HS2ST1: variants seen among roughly 807,000 people sequenced by gnomAD.
HS2ST1 encodes heparan sulfate 2-O-sulfotransferase 1.
A neutral mutation model predicts 42.9 loss-of-function variants in HS2ST1; 18 were observed. The ratio of observed to expected loss-of-function variants is 0.42; its 90% CI spans 0.29 to 0.62. The LOEUF (loss-of-function observed/expected upper bound fraction) is 0.62, where lower values mean the gene tolerates loss of function less well. Among genes scored for constraint, HS2ST1 ranks in the 20% least tolerant of loss-of-function variants. HS2ST1 has a pLI of 0.21. For missense variants in HS2ST1, 334 were observed against 433.8 expected (o/e 0.77, Z 2.04); for synonymous variants, 146 against 152.9 (o/e 0.95, Z 0.33).
At chr1:87,014,242 A>G (rs949615452) in intron 1 of HS2ST1, among the ~76,000 whole-genome samples, 6 of 152,314 alleles carry the variant, frequency 3.9e-5, no homozygotes, top group South Asian at 2.1e-4. Flanking sequence ...ACAGTTCCAC[A>G]TGGCTGGGGA....
intron 1 of HS2ST1, among the ~76,000 whole-genome samples, chr1:87,044,488 A>G (rs1320351884): frequency 2.0e-5 from 3 of 152,224 alleles, no homozygotes; most frequent in Admixed American, 2.0e-4. Context: ...GTTTCAATAC[A>G]TAGCATTTGA....
At chr1:87,067,400 C>G (rs994532263) in intron 1 of HS2ST1, among the ~76,000 whole-genome samples, 1 of 152,130 alleles carries the variant, frequency 6.6e-6, no homozygotes, top group African/African-American at 2.4e-5. Context: ...ATGTCCTTCA[C>G]CCACTTTTTG....
At chr1:87,005,886 A>G (rs1649424962) in intron 1 of HS2ST1, among the ~76,000 whole-genome samples, 1 of 152,192 alleles carries the variant, frequency 6.6e-6, no homozygotes, top group Non-Finnish European at 1.5e-5. Flanking sequence ...GTATTTTGTG[A>G]GAAATGGAAG....
intron 1 of HS2ST1, among the ~76,000 whole-genome samples, chr1:86,948,214 T>C (rs1647393560): frequency 6.6e-6 from 1 of 152,192 alleles, no homozygotes; most frequent in Non-Finnish European, 1.5e-5. Context: ...TTTAGAATGC[T>C]ACAGTATAAG....
chr1:87,004,494 T>C (rs1385369557), intron 1 of HS2ST1, among the ~76,000 whole-genome samples: 2 of 152,156 alleles, frequency 1.3e-5, no homozygotes, highest in African/African-American at 4.8e-5. Flanking sequence ...TTTTGACATA[T>C]ATATTTATAT....
At chr1:86,955,181 A>T (rs1192264813) in intron 1 of HS2ST1, among the ~76,000 whole-genome samples, 1 of 152,164 alleles carries the variant, frequency 6.6e-6, no homozygotes, top group Non-Finnish European at 1.5e-5. Context: ...CTTAGAGGAG[A>T]TTAAACTTTT....
intron 1 of HS2ST1, among the ~76,000 whole-genome samples, chr1:87,066,269 G>C (rs1236454643): frequency 6.6e-6 from 1 of 152,188 alleles, no homozygotes; most frequent in Non-Finnish European, 1.5e-5. Flanking sequence ...GATATGTGCT[G>C]CCTTCATCAG....
intron 1 of HS2ST1, among the ~76,000 whole-genome samples, chr1:86,983,540 A>G (rs1207816607): frequency 6.6e-6 from 1 of 152,188 alleles, no homozygotes; most frequent in Non-Finnish European, 1.5e-5. Context: ...ACATGGGATT[A>G]CAATTTGAGA....
At chr1:86,954,668 GT>G (rs1028712598) in intron 1 of HS2ST1, among the ~76,000 whole-genome samples, 2 of 152,126 alleles carry the variant, frequency 1.3e-5, no homozygotes, top group African/African-American at 2.4e-5. Flanking sequence ...GCACCAGTCT[GT>G]TTTGTTCCAC....
At chr1:86,971,602 TTAGAG>T (rs1648235813) in intron 1 of HS2ST1, among the ~76,000 whole-genome samples, 1 of 152,180 alleles carries the variant, frequency 6.6e-6, no homozygotes, top group Non-Finnish European at 1.5e-5. Context: ...ACGTCCAATC[TTAGAG>T]TAGGGAAATG....
At chr1:87,053,523 A>T (rs985656924) in intron 1 of HS2ST1, among the ~76,000 whole-genome samples, 2 of 152,116 alleles carry the variant, frequency 1.3e-5, no homozygotes, top group Non-Finnish European at 2.9e-5. Flanking sequence ...AACCTTTTTC[A>T]CATCTTCTAC....
chr1:86,957,430 T>A (rs1287355478), intron 1 of HS2ST1, among the ~76,000 whole-genome samples: 1 of 152,246 alleles, frequency 6.6e-6, no homozygotes, highest in Non-Finnish European at 1.5e-5. Context: ...TCTCAAAATG[T>A]GTAGAATAAA....
At chr1:86,921,092 A>T (rs966113416) in intron 1 of HS2ST1, among the ~76,000 whole-genome samples, 2 of 89,446 alleles carry the variant, frequency 2.2e-5, no homozygotes, top group South Asian at 3.0e-4. Context: ...AATTACAAAT[A>T]AAAAAAAACT....
chr1:86,994,057 T>C (rs1451473436), intron 1 of HS2ST1, among the ~76,000 whole-genome samples: 1 of 152,150 alleles, frequency 6.6e-6, no homozygotes, highest in Non-Finnish European at 1.5e-5. Context: ...TCCAGATACT[T>C]AACAGTTTAT....
intron 1 of HS2ST1, among the ~76,000 whole-genome samples, chr1:87,014,879 T>C (rs1362286882): frequency 6.6e-6 from 1 of 152,220 alleles, no homozygotes; most frequent in Non-Finnish European, 1.5e-5. Context: ...AAAACTATTG[T>C]CTTCCTAACT....
intron 1 of HS2ST1, among the ~76,000 whole-genome samples, chr1:87,070,420 G>A (rs149755072): frequency 0.022 from 3,357 of 152,020 alleles, 138 homozygotes; most frequent in Admixed American, 0.11. Flanking sequence ...GTGAAACGCC[G>A]TCTCTACAAA....
At chr1:87,005,331 C>T (rs548319868) in intron 1 of HS2ST1, among the ~76,000 whole-genome samples, 4 of 152,244 alleles carry the variant, frequency 2.6e-5, no homozygotes, top group South Asian at 2.1e-4. Context: ...TCAAATAAAT[C>T]AATCCTGGTA....
chr1:87,023,358 AGAT>A, intron 1 of HS2ST1, among the ~76,000 whole-genome samples: 1 of 152,274 alleles, frequency 6.6e-6, no homozygotes, highest in East Asian at 1.9e-4. Context: ...GTCTATTCAT[AGAT>A]GAGTGGTAAA....
At chr1:87,007,659 G>A (rs904023582) in intron 1 of HS2ST1, among the ~76,000 whole-genome samples, 21 of 151,754 alleles carry the variant, frequency 1.4e-4, no homozygotes, top group Admixed American at 5.9e-4. Context: ...ACATCTTTAC[G>A]GTATTTTTTT....
Sources: allele counts gnomAD v4.1 joint callset (sites outside exome capture counted in the v4.1 genomes callset), GRCh38; gene constraint gnomAD v4.1.1; transcripts MANE v1.5; gene names NCBI Gene and HGNC (gene_info 2026-07-23, HGNC 2026-07-21).